The following DDX10 variants were observed in gnomAD, a reference collection of about 807,000 sequenced individuals.
The protein encoded by DDX10 is probable ATP-dependent RNA helicase DDX10.
Under a neutral mutation model 104.3 loss-of-function variants are expected in DDX10, and 74 were observed. The ratio of observed to expected loss-of-function variants is 0.71; its 90% CI spans 0.59 to 0.86. The LOEUF (loss-of-function observed/expected upper bound fraction) is 0.86. DDX10 is among the 40% of genes least tolerant of loss of function. DDX10 has a pLI of 0.00. For missense variants in DDX10, 952 were observed against 1,040.0 expected (o/e 0.92, Z 1.16); for synonymous variants, 351 against 353.4 (o/e 0.99, Z 0.08).
In DDX10 at chr11:108,838,519, G is replaced by T. The variant is rs1862592131; in HGVS notation, c.2039G>T (p.Arg680Ile). Reference protein sequence around the residue: ...KVAEAKKVMKRNFKVNKKITF... With the variant: ...KVAEAKKVMKINFKVNKKITF... ...GCAGAAGCAAAAAAAGTAATGAAGA[G>T]AAATTTTAAAGTGAATAAGAAGATA... Residue 680 changes from arginine to isoleucine, a missense_variant, in exon 14 of 18, where the codon AGA (arginine) becomes ATA (isoleucine). Arg to Ile is a moderately conservative substitution (Grantham distance 97). Transcript: ENST00000322536. 6.2e-7 allele frequency: 1 copy of T among 1,612,526 alleles called. No individual in the cohort carries two copies. The highest frequency in any genetic ancestry group is 8.5e-7 in the Non-Finnish European group (1 of 1,179,242).
chr11:108,686,602 C>G (rs1291944697), intron 6 of DDX10, among the ~76,000 whole-genome samples: 1 of 152,124 alleles, frequency 6.6e-6, no homozygotes, highest in African/African-American at 2.4e-5. Flanking sequence ...GAATAATATT[C>G]CATTGTCTGG....
Position 108,852,205 on chromosome 11 carries a change from C to T in DDX10, c.2300C>T (p.Ala767Val). ...AGAAGAGAAGCCAACAAGAGACAAG[C>T]AAAGGTAAGGGTTTATATACATTTA... The part of the protein sequence containing the change: ...EARREANKRQ[A>V]KAKDEEEAFL... The change falls in exon 16 of 18, where the codon GCA becomes GTA. Residue 767 changes from alanine to valine, a missense_variant. Physicochemically the swap from Ala to Val is moderately conservative, Grantham distance 64. Transcript: ENST00000322536. The T allele has an allele frequency of 2.5e-6, 4 of 1,610,036 alleles. No individual in the cohort carries two copies. Among genetic ancestry groups the T allele is most frequent in the Non-Finnish European group, 3.4e-6 (4 of 1,177,464 alleles).
chr11:108,906,189 T>C (rs897132223), intron 16 of DDX10, among the ~76,000 whole-genome samples: 1 of 152,230 alleles, frequency 6.6e-6, no homozygotes, highest in African/African-American at 2.4e-5. Flanking sequence ...TCAAAAACTG[T>C]GGTGCATTCT....
At chr11:108,775,459 T>G (rs1434878401) in intron 13 of DDX10, among the ~76,000 whole-genome samples, 1 of 152,182 alleles carries the variant, frequency 6.6e-6, no homozygotes, top group Non-Finnish European at 1.5e-5. Context: ...AAAGGAAGAA[T>G]TTATGCTAAG....
intron 3 of DDX10, among the ~76,000 whole-genome samples, chr11:108,676,773 G>A (rs1160322073): frequency 6.6e-6 from 1 of 152,134 alleles, no homozygotes; most frequent in African/African-American, 2.4e-5. Context: ...TTTAGAAAAT[G>A]ATAAATATTA....
intron 16 of DDX10, among the ~76,000 whole-genome samples, chr11:108,897,096 G>C (rs993867965): frequency 6.6e-6 from 1 of 152,026 alleles, no homozygotes; most frequent in African/African-American, 2.4e-5. Flanking sequence ...TACCTTCCAA[G>C]TGACTCAACA....
chr11:108,878,522 C>G (rs1190015056), intron 16 of DDX10, among the ~76,000 whole-genome samples: 2 of 152,032 alleles, frequency 1.3e-5, no homozygotes, highest in African/African-American at 2.4e-5. Flanking sequence ...TTTAATTTTC[C>G]TTTTGAAATT....
intron 13 of DDX10, among the ~76,000 whole-genome samples, chr11:108,819,000 G>A (rs192976820): frequency 6.6e-6 from 1 of 152,268 alleles, no homozygotes; most frequent in African/African-American, 2.4e-5. Context: ...TTCTGTTGGT[G>A]GGAAAAGTGG....
chr11:108,679,234 C>G, intron 5 of DDX10, 137 bp from the exon 6 acceptor site: 3 of 710,362 alleles, frequency 4.2e-6, no homozygotes, highest in Non-Finnish European at 6.9e-6. Context: ...CATATAAATT[C>G]CAGACTTTAT....
intron 13 of DDX10, among the ~76,000 whole-genome samples, chr11:108,748,966 A>C (rs1383311753): frequency 6.6e-6 from 1 of 151,882 alleles, no homozygotes; most frequent in African/African-American, 2.4e-5. Flanking sequence ...GCCTGGCCTA[A>C]ACTCATTTTT....
intron 17 of DDX10, among the ~76,000 whole-genome samples, chr11:108,934,425 C>G (rs1864011637): frequency 6.6e-6 from 1 of 152,130 alleles, no homozygotes; most frequent in East Asian, 1.9e-4. Flanking sequence ...TGGAAAAAAC[C>G]CTAGGCTAAA....
intron 13 of DDX10, among the ~76,000 whole-genome samples, chr11:108,780,901 G>T (rs1392774284): frequency 6.6e-6 from 1 of 152,082 alleles, no homozygotes; most frequent in African/African-American, 2.4e-5. Flanking sequence ...AGTGGAATTG[G>T]ACTAAATGAA....
At chr11:108,851,233 AAAG>A (rs1862788434) in intron 15 of DDX10, among the ~76,000 whole-genome samples, 1 of 152,112 alleles carries the variant, frequency 6.6e-6, no homozygotes, top group African/African-American at 2.4e-5. Context: ...GGTGGGGTGG[AAAG>A]AGAAGGGAGA....
intron 13 of DDX10, among the ~76,000 whole-genome samples, chr11:108,754,732 C>T (rs1344162354): frequency 6.6e-6 from 1 of 151,928 alleles, no homozygotes; most frequent in Non-Finnish European, 1.5e-5. Flanking sequence ...AAAAAAGATT[C>T]TGTTTTCTTG....
chr11:108,891,394 A>G (rs889017541), intron 16 of DDX10, among the ~76,000 whole-genome samples: 3 of 152,120 alleles, frequency 2.0e-5, no homozygotes, highest in Admixed American at 2.0e-4. Flanking sequence ...CAATGAAATC[A>G]TGATTGGCTG....
At chr11:108,888,429 C>G (rs956663135) in intron 16 of DDX10, among the ~76,000 whole-genome samples, 2 of 152,112 alleles carry the variant, frequency 1.3e-5, no homozygotes, top group Admixed American at 6.5e-5. Flanking sequence ...ATACAGAAGC[C>G]CAATGATGAT....
rs78339659 is a variant in DDX10 at position 108,825,361 on chromosome 11, G to T, written c.1966-13085G>T. ...GATATTTAATTAAGGTGACAGGTAC[G>T]CATGCTCGGGAAGTTAAAAAGCAAT... On this transcript the variant is annotated intron_variant, in intron 13 of 17. Transcript: ENST00000322536. Among the ~76,000 whole-genome samples the T allele has an allele frequency of 2.7e-3, 405 of 152,222 alleles. 1 individual carries two copies. The highest frequency in any genetic ancestry group is 9.3e-3 in the African/African-American group (387 of 41,538).
intron 13 of DDX10, among the ~76,000 whole-genome samples, chr11:108,742,286 C>A (rs1040026334): frequency 1.4e-5 from 2 of 138,076 alleles, no homozygotes; most frequent in African/African-American, 2.7e-5. Context: ...AAAAAAAAAA[C>A]CCTGGGCATG....
At chr11:108,927,821 G>T (rs1242413131) in intron 17 of DDX10, among the ~76,000 whole-genome samples, 1 of 151,992 alleles carries the variant, frequency 6.6e-6, no homozygotes, top group Non-Finnish European at 1.5e-5. Context: ...TGTATTTTTA[G>T]TAGAGAAGGG....
Sources: gnomAD v4.1 joint callset for allele counts (sites outside exome capture counted in the v4.1 genomes callset) on GRCh38, gnomAD v4.1.1 for gene constraint, MANE v1.5 for transcripts, NCBI Gene and HGNC (gene_info 2026-07-23, HGNC 2026-07-21) for gene names.